Variants in MECOM observed in about 807,000 individuals in gnomAD.
The protein encoded by MECOM is MDS1 and EVI1 complex locus.
In MECOM, 13 loss-of-function variants were observed where a neutral mutation model predicts 116.3. The observed-to-expected ratio is 0.11, with a 90% CI of 0.07 to 0.18. MECOM has a LOEUF of 0.18. Ranked by LOEUF, MECOM falls within the 10% of genes least tolerant of loss-of-function variation. MECOM has a pLI of 1.00. For synonymous variants in MECOM, 528 were observed against 535.2 expected (o/e 0.99, Z 0.19); for missense variants, 1,299 against 1,509.0 (o/e 0.86, Z 2.31).
intron 1 of MECOM, among the ~76,000 whole-genome samples, chr3:169,502,100 C>A (rs1311899362): frequency 6.6e-6 from 1 of 152,062 alleles, no homozygotes; most frequent in Non-Finnish European, 1.5e-5. Context: ...TGTTTTCTCG[C>A]AGGCCAGGAT....
intron 1 of MECOM, among the ~76,000 whole-genome samples, chr3:169,465,510 A>T (rs1748141984): frequency 6.6e-6 from 1 of 152,224 alleles, no homozygotes; most frequent in Non-Finnish European, 1.5e-5. Flanking sequence ...AAAGCCAGAT[A>T]AATGGCCAAC....
chr3:169,487,984 A>G (rs1232438680), intron 1 of MECOM, among the ~76,000 whole-genome samples: 1 of 152,296 alleles, frequency 6.6e-6, no homozygotes. Flanking sequence ...TGGAATTTAT[A>G]GGCATAAATA....
At chr3:169,442,210 GC>G (rs1160543429) in intron 1 of MECOM, among the ~76,000 whole-genome samples, 1 of 152,280 alleles carries the variant, frequency 6.6e-6, no homozygotes, top group East Asian at 1.9e-4. Flanking sequence ...ACAGGCATGA[GC>G]CACCATATCC....
At chr3:169,447,869 T>C (rs1447976232) in intron 1 of MECOM, 1 of 152,200 alleles carries the variant, frequency 6.6e-6, no homozygotes, top group Non-Finnish European at 1.5e-5. Context: ...AAATGAAAGA[T>C]TGGTGAGTAA....
At chr3:169,380,636 A>G (rs1732238723) in intron 2 of MECOM, among the ~76,000 whole-genome samples, 2 of 152,248 alleles carry the variant, frequency 1.3e-5, no homozygotes, top group South Asian at 4.1e-4. Context: ...AAGAACCATA[A>G]CCTAATTCAG....
chr3:169,447,227 C>T (rs1744793231), intron 1 of MECOM, among the ~76,000 whole-genome samples: 1 of 152,132 alleles, frequency 6.6e-6, no homozygotes, highest in South Asian at 2.1e-4. Context: ...TATTGGTGCC[C>T]TCTGCCACCC....
At chr3:169,389,444 G>A in intron 1 of MECOM, 2 of 476,282 alleles carry the variant, frequency 4.2e-6, no homozygotes, top group Non-Finnish European at 5.5e-6. Flanking sequence ...GGAATGACCA[G>A]GTAAGAACAG....
intron 2 of MECOM, among the ~76,000 whole-genome samples, chr3:169,338,539 C>T (rs979856106): frequency 2.0e-5 from 3 of 151,438 alleles, no homozygotes; most frequent in African/African-American, 7.3e-5. Flanking sequence ...CCAAAGAAAC[C>T]TTTCTATAGA....
chr3:169,087,423 C>T (rs1051839183), intron 16 of MECOM, among the ~76,000 whole-genome samples: 1 of 151,896 alleles, frequency 6.6e-6, no homozygotes, highest in Non-Finnish European at 1.5e-5. Flanking sequence ...ATAGTGAAAC[C>T]CCATCTCTAC....
chr3:169,262,142 G>A (rs572956872), intron 2 of MECOM, among the ~76,000 whole-genome samples: 1 of 152,290 alleles, frequency 6.6e-6, no homozygotes, highest in South Asian at 2.1e-4. Context: ...ACTTCTAATA[G>A]TAACATCCTG....
At chr3:169,203,412 A>G (rs1749467191) in intron 2 of MECOM, among the ~76,000 whole-genome samples, 1 of 152,026 alleles carries the variant, frequency 6.6e-6, no homozygotes, top group South Asian at 2.1e-4. Flanking sequence ...ATATCACTTA[A>G]CCTCTCTGAA....
intron 1 of MECOM, among the ~76,000 whole-genome samples, chr3:169,542,686 G>C (rs1434832787): frequency 6.6e-6 from 1 of 152,146 alleles, no homozygotes; most frequent in African/African-American, 2.4e-5. Flanking sequence ...CAAACAATGA[G>C]AGGCTAATCT....
intron 1 of MECOM, among the ~76,000 whole-genome samples, chr3:169,583,578 C>T (rs1231723550): frequency 6.6e-6 from 1 of 152,088 alleles, no homozygotes; most frequent in African/African-American, 2.4e-5. Flanking sequence ...ATATTTACTA[C>T]TTCTAAAAAA....
intron 2 of MECOM, among the ~76,000 whole-genome samples, chr3:169,298,949 C>T (rs543954203): frequency 6.6e-6 from 1 of 152,232 alleles, no homozygotes; most frequent in East Asian, 1.9e-4. Flanking sequence ...ATAGGGGAAA[C>T]TTAGAAACGA....
At chr3:169,266,875 G>A (rs1758376072) in intron 2 of MECOM, among the ~76,000 whole-genome samples, 1 of 151,140 alleles carries the variant, frequency 6.6e-6, no homozygotes. Flanking sequence ...TATAGGGAAA[G>A]AGAGAGAGAG....
At chr3:169,509,435 A>C (rs747759845) in intron 1 of MECOM, among the ~76,000 whole-genome samples, 1 of 152,142 alleles carries the variant, frequency 6.6e-6, no homozygotes, top group East Asian at 1.9e-4. Context: ...GACCATCACC[A>C]TTACTCATCT....
At position 169,582,414 on chromosome 3, in the gene MECOM, A is replaced by T. The variant is rs139836160; in HGVS notation, c.37+80922T>A. Among the ~76,000 whole-genome samples the T allele has an allele frequency of 1.6e-4, 25 of 152,286 alleles. No individual in the cohort carries two copies. In the East Asian group the frequency reaches 4.6e-3, roughly 28 times the overall value. On this transcript the variant is annotated intron_variant, in intron 1 of 16. Transcript: ENST00000651503. ...AAAGGACAGGAACAGGAGGAAAAAG[A>T]GGGAGATGGGGAAAAACGGGAAAAT...
At chr3:169,167,004 A>G (rs909647032) in intron 2 of MECOM, among the ~76,000 whole-genome samples, 2 of 152,118 alleles carry the variant, frequency 1.3e-5, no homozygotes, top group African/African-American at 4.8e-5. Flanking sequence ...GAGATCAGTA[A>G]ATTTGCCAGA....
intron 1 of MECOM, among the ~76,000 whole-genome samples, chr3:169,484,987 C>CTTATTTATTTAT (rs61274643): frequency 6.6e-6 from 1 of 151,514 alleles, no homozygotes; most frequent in African/African-American, 2.4e-5. Context: ...TTTACTCTTG[C>CTTATTTATTTAT]TTATTTATTT....
Sources: gnomAD v4.1 joint callset for allele counts (sites outside exome capture counted in the v4.1 genomes callset) on GRCh38, gnomAD v4.1.1 for gene constraint, MANE v1.5 for transcripts, NCBI Gene and HGNC (gene_info 2026-07-23, HGNC 2026-07-21) for gene names.